Variants in CDH4 observed in about 807,000 individuals in gnomAD.
CDH4 encodes the protein cadherin-4.
In CDH4, 33 loss-of-function variants were observed where a neutral mutation model predicts 86.0. The ratio of observed to expected loss-of-function variants is 0.38; its 90% CI spans 0.29 to 0.51. The LOEUF (loss-of-function observed/expected upper bound fraction) is 0.51. Among genes scored for constraint, CDH4 ranks in the 20% least tolerant of loss-of-function variants. The pLI is 0.86. For synonymous variants in CDH4, 555 were observed against 549.4 expected, an observed-to-expected ratio of 1.01 and a Z score of -0.14; for missense variants, 1,114 against 1,307.4, an observed-to-expected ratio of 0.85 and a Z score of 2.28.
At chr20:61,366,167 G>A (rs1301672004) in intron 2 of CDH4, among the ~76,000 whole-genome samples, 1 of 152,226 alleles carries the variant, frequency 6.6e-6, no homozygotes, top group African/African-American at 2.4e-5. Context: ...AAAGGCTGGA[G>A]TCTTTGCAGT....
intron 2 of CDH4, among the ~76,000 whole-genome samples, chr20:61,287,830 G>C (rs2084301389): frequency 6.6e-6 from 1 of 152,198 alleles, no homozygotes; most frequent in Non-Finnish European, 1.5e-5. Flanking sequence ...GAGGCGTGCA[G>C]GGACCAGCCT....
intron 14 of CDH4, among the ~76,000 whole-genome samples, chr20:61,933,371 C>G (rs542738698): frequency 3.9e-5 from 6 of 152,368 alleles, no homozygotes; most frequent in Non-Finnish European, 8.8e-5. Context: ...CAGCCCCAGC[C>G]CAGTGCTGCC....
chr20:61,583,434 G>C (rs2086446832), intron 2 of CDH4, among the ~76,000 whole-genome samples: 1 of 152,088 alleles, frequency 6.6e-6, no homozygotes, highest in Non-Finnish European at 1.5e-5. Context: ...GATGTTTGAG[G>C]GGAGACGGGG....
chr20:61,346,185 C>G (rs62201875), intron 2 of CDH4, among the ~76,000 whole-genome samples: 31,769 of 152,026 alleles, frequency 0.21, 3,459 homozygotes, highest in African/African-American at 0.27. Flanking sequence ...TTCTGTCAGG[C>G]CCTGGGGCTG....
intron 2 of CDH4, among the ~76,000 whole-genome samples, chr20:61,625,619 AG>A (rs2086823933): frequency 1.3e-5 from 2 of 152,098 alleles, no homozygotes; most frequent in South Asian, 4.2e-4. Flanking sequence ...AGGAAAAAAC[AG>A]GGTTTTTAAA....
intron 9 of CDH4, among the ~76,000 whole-genome samples, chr20:61,915,601 ATGGGTCTCCAG>A (rs2054896376): frequency 6.6e-6 from 1 of 152,232 alleles, no homozygotes; most frequent in South Asian, 2.1e-4. Flanking sequence ...GTGACACGCG[ATGGGTCTCCAG>A]TGCATCACAC....
intron 2 of CDH4, among the ~76,000 whole-genome samples, chr20:61,470,818 A>T (rs1466855056): frequency 1.3e-5 from 2 of 152,046 alleles, no homozygotes; most frequent in Non-Finnish European, 2.9e-5. Flanking sequence ...TTTGTCCTTC[A>T]TTCTGTTGAT....
Position 61,349,196 on chromosome 20 carries a change from A to T in CDH4, c.169+94259A>T, listed in dbSNP as rs78478165. Among the ~76,000 whole-genome samples, 857 of 152,338 alleles carry T rather than the reference A, an allele frequency of 5.6e-3. 10 individuals are homozygous for T. Among genetic ancestry groups the T allele is most frequent in the African/African-American group, 0.02 (820 of 41,588 alleles). On this transcript the variant is annotated intron_variant, in intron 2 of 15. Coordinates refer to ENST00000614565, the MANE Select transcript of CDH4 (RefSeq NM_001794.5). ...GCAGCCCCGATGGACAGGCTGGGTC[A>T]TCAGGAACAGACAGCGGGGACCCTG...
At chr20:61,850,736 G>A (rs189828966) in intron 5 of CDH4, among the ~76,000 whole-genome samples, 74 of 152,354 alleles carry the variant, frequency 4.9e-4, no homozygotes, top group Non-Finnish European at 7.9e-4. Context: ...CCATGTTTGC[G>A]TGTTTCCTCC....
At position 61,570,574 on chromosome 20, in the gene CDH4, C is replaced by T. The variant is rs894067046; in HGVS notation, c.170-172989C>T. On this transcript the variant is annotated intron_variant, in intron 2 of 15. Coordinates refer to ENST00000614565, the MANE Select transcript of CDH4 (RefSeq NM_001794.5). The stretch of plus-strand genomic sequence containing the variant: ...ATCCAAGCGTTGACTTTTGTGGCTT[C>T]CTTTACCCCATTGCTCTGCCCTTTA... 10 of 680,958 alleles carry T rather than the reference C, an allele frequency of 1.5e-5. No homozygotes were observed. In the African/African-American group the frequency reaches 1.6e-4, roughly 11 times the overall value. The allele number at this position is 680,958 out of a possible 1,614,324, so 42.2% of individuals were successfully genotyped here. A position where few individuals can be genotyped will look rare whatever the true frequency, so the allele number is the denominator to read the frequency against.
chr20:61,442,217 A>T (rs1257548128), intron 2 of CDH4, among the ~76,000 whole-genome samples: 1 of 152,198 alleles, frequency 6.6e-6, no homozygotes, highest in Non-Finnish European at 1.5e-5. Flanking sequence ...ATAAATCCCA[A>T]ACGCAGGGCA....
At chr20:61,693,241 G>T (rs2145875336) in intron 2 of CDH4, among the ~76,000 whole-genome samples, 1 of 152,264 alleles carries the variant, frequency 6.6e-6, no homozygotes, top group East Asian at 1.9e-4. Flanking sequence ...TGTGATGAAG[G>T]CCAGTGCAGG....
intron 2 of CDH4, among the ~76,000 whole-genome samples, chr20:61,474,017 G>A (rs1393624402): frequency 6.6e-6 from 1 of 152,156 alleles, no homozygotes; most frequent in Non-Finnish European, 1.5e-5. Flanking sequence ...CCGTGGGATT[G>A]TAGATGACTC....
At chr20:61,910,382 T>G in intron 8 of CDH4, 40 bp from the exon 9 acceptor site, 1 of 1,589,598 alleles carries the variant, frequency 6.3e-7, no homozygotes, top group Middle Eastern at 1.7e-4. Flanking sequence ...ATATTTACAC[T>G]TAACACGGGT....
chr20:61,313,141 G>A (rs1408886205), intron 2 of CDH4, among the ~76,000 whole-genome samples: 1 of 152,198 alleles, frequency 6.6e-6, no homozygotes, highest in Non-Finnish European at 1.5e-5. Flanking sequence ...CGGGCTCATC[G>A]AGGCCTGGTC....
In CDH4 at chr20:61,510,765, T is replaced by TA. The variant is rs1300670480; in HGVS notation, c.170-232797dup. ...CTGTTCTTGCATTGCTATAAAGAAA[T>TA]ACCTGAGACTGGGTAATTTATAAAA... On this transcript the variant is annotated intron_variant, in intron 2 of 15. Coordinates refer to ENST00000614565, the MANE Select transcript of CDH4 (RefSeq NM_001794.5). The surrounding 1 kb of genome is among the most constrained non-coding windows in gnomAD (Gnocchi z 4.2). 1.3e-5 allele frequency among the ~76,000 whole-genome samples: 2 copies of TA among 152,138 alleles called. No individual in the cohort carries two copies. The highest frequency in any genetic ancestry group is 4.8e-5 in the African/African-American group (2 of 41,404).
chr20:61,787,124 G>A (rs932563217), intron 4 of CDH4, among the ~76,000 whole-genome samples: 13 of 147,986 alleles, frequency 8.8e-5, no homozygotes, highest in Non-Finnish European at 1.5e-4. Flanking sequence ...CCATCCATCC[G>A]TCTGTCCGTC....
At position 61,383,416 on chromosome 20, in the gene CDH4, T is replaced by TC. The variant is rs1568822695; in HGVS notation, c.169+128479_169+128480insC. Among the ~76,000 whole-genome samples the TC allele has an allele frequency of 3.9e-4, 2 of 5,192 alleles. 1 individual carries two copies. Among genetic ancestry groups the TC allele is most frequent in the Non-Finnish European group, 1.2e-3 (2 of 1,712 alleles). 3.4% of individuals were successfully genotyped at this position (5,192 alleles called of 152,430 possible). A position where few individuals can be genotyped will look rare whatever the true frequency, so the allele number is the denominator to read the frequency against. On this transcript the variant is annotated intron_variant, in intron 2 of 15. Coordinates refer to ENST00000614565, the MANE Select transcript of CDH4 (RefSeq NM_001794.5). ...ATATGATATATATGAATATATATGA[T>TC]ATATATGATATATATCATATATGAA... is the stretch of plus-strand genomic sequence containing the variant.
At chr20:61,278,192 G>C (rs1390748212) in intron 2 of CDH4, among the ~76,000 whole-genome samples, 1 of 152,176 alleles carries the variant, frequency 6.6e-6, no homozygotes, top group Non-Finnish European at 1.5e-5. Flanking sequence ...ATCCTTCCCT[G>C]AGTAACTCCA....
Sources: allele counts gnomAD v4.1 joint callset (sites outside exome capture counted in the v4.1 genomes callset), GRCh38; gene constraint gnomAD v4.1.1; non-coding constraint Gnocchi (gnomAD v3.1); transcripts MANE v1.5; gene names NCBI Gene and HGNC (gene_info 2026-07-23, HGNC 2026-07-21).